DYM: variants seen among roughly 807,000 people sequenced by gnomAD.
DYM encodes dyggve-Melchior-Clausen syndrome protein.
DYM carries 78 observed loss-of-function variants against 93.1 expected under a neutral mutation model. That is an observed-to-expected ratio of 0.84 (90% CI 0.70 to 1.01). The LOEUF (loss-of-function observed/expected upper bound fraction) is 1.01. DYM is among the 50% of genes least tolerant of loss of function. The pLI is 0.00. For synonymous variants in DYM, 321 were observed against 319.7 expected, an observed-to-expected ratio of 1.00 and a Z score of -0.04; for missense variants, 789 against 845.0, an observed-to-expected ratio of 0.93 and a Z score of 0.82.
intron 11 of DYM, 149 bp from the exon 12 acceptor site, chr18:49,258,642 T>G: frequency 1.5e-6 from 1 of 669,668 alleles, no homozygotes; most frequent in Non-Finnish European, 2.7e-6. Flanking sequence ...AGTCCAGATC[T>G]TCAAGGAGAG....
Position 49,043,590 on chromosome 18 carries a change from C to T in DYM, c.*465G>A, listed in dbSNP as rs2071089694. 6.3e-6 allele frequency: 1 copy of T among 158,224 alleles called. No homozygotes were observed. The highest frequency in any genetic ancestry group is 2.4e-5 in the African/African-American group (1 of 41,492). 9.8% of individuals were successfully genotyped at this position (158,224 alleles called of 1,614,324 possible). Reference sequence around the variant, plus strand: ...CTCATCATCTTTTCTCATTGATGCTCCTTAATGTCAAAGGAATCTCTCTCT... The same window carrying T: ...CTCATCATCTTTTCTCATTGATGCTTCTTAATGTCAAAGGAATCTCTCTCT... On this transcript the variant is annotated 3_prime_UTR_variant, in exon 18 of 18. Coordinates refer to ENST00000675505, the MANE Select transcript of DYM (RefSeq NM_001353214.3).
intron 14 of DYM, chr18:49,208,870 A>T (rs956335370): frequency 6.6e-6 from 1 of 152,108 alleles, no homozygotes; most frequent in Non-Finnish European, 1.5e-5. Context: ...GTAATGTCAT[A>T]CTGCCCCTCT....
In DYM at chr18:49,441,131, TATAAATATATTATATA is replaced by T. The variant is rs2081461218; in HGVS notation, c.-53-10700_-53-10685del. 1.5e-3 allele frequency among the ~76,000 whole-genome samples: 8 copies of T among 5,364 alleles called. 1 individual carries two copies. Among genetic ancestry groups the T allele is most frequent in the African/African-American group, 2.8e-3 (8 of 2,866 alleles). 3.5% of individuals were successfully genotyped at this position (5,364 alleles called of 152,430 possible). ...TTAATATAAATATATTATATATTTA[TATAAATATATTATATA>T]ATATAATATATATTATATATTATAT... is the stretch of plus-strand genomic sequence containing the variant. On this transcript the variant is annotated intron_variant, in intron 1 of 17. Coordinates refer to ENST00000675505, the MANE Select transcript of DYM (RefSeq NM_001353214.3).
At chr18:49,082,107 C>T (rs1039613165) in intron 17 of DYM, among the ~76,000 whole-genome samples, 1 of 152,242 alleles carries the variant, frequency 6.6e-6, no homozygotes, top group African/African-American at 2.4e-5. Flanking sequence ...CTCTCTTCAG[C>T]ATTCATGCTT....
At chr18:49,159,775 A>G (rs1023842744) in intron 15 of DYM, among the ~76,000 whole-genome samples, 1 of 152,210 alleles carries the variant, frequency 6.6e-6, no homozygotes, top group African/African-American at 2.4e-5. Flanking sequence ...TTATTTGATG[A>G]CCACAGGGCA....
intron 16 of DYM, among the ~76,000 whole-genome samples, chr18:49,112,906 T>C (rs2081555665): frequency 6.6e-6 from 1 of 152,162 alleles, no homozygotes; most frequent in Admixed American, 6.5e-5. Context: ...TGCTTCAAGT[T>C]TTGGCTCAAA....
intron 8 of DYM, among the ~76,000 whole-genome samples, chr18:49,299,814 A>T (rs1458050834): frequency 6.6e-6 from 1 of 150,918 alleles, no homozygotes; most frequent in East Asian, 2.0e-4. Flanking sequence ...GAGGCTGAGG[A>T]GGGCAGGTCA....
chr18:49,156,645 T>A lies in DYM; in HGVS notation c.1728+7040A>T, dbSNP rs181192171. 3.2e-3 allele frequency among the ~76,000 whole-genome samples: 483 copies of A among 150,568 alleles called. 2 individuals carry two copies. Among genetic ancestry groups the A allele is most frequent in the Non-Finnish European group, 5.8e-3 (392 of 67,822 alleles). On this transcript the variant is annotated intron_variant, in intron 15 of 17. Transcript: ENST00000675505. ...TACTTGGGAGGCTGAGGCAGGAGAA[T>A]TGCTTGAACCCAGGAGGCAGAGGCT...
intron 13 of DYM, among the ~76,000 whole-genome samples, chr18:49,210,991 T>A (rs1228978014): frequency 6.6e-6 from 1 of 152,198 alleles, no homozygotes; most frequent in Non-Finnish European, 1.5e-5. Flanking sequence ...AGGAATATGT[T>A]CCTGGCAAGT....
chr18:49,392,263 A>C (rs888125086), intron 2 of DYM, among the ~76,000 whole-genome samples: 10 of 152,166 alleles, frequency 6.6e-5, no homozygotes, highest in Non-Finnish European at 1.3e-4. Context: ...AGAAGAAAAT[A>C]TGTTTCTTGA....
At chr18:49,350,454 T>A (rs2065011403) in intron 6 of DYM, among the ~76,000 whole-genome samples, 1 of 152,164 alleles carries the variant, frequency 6.6e-6, no homozygotes, top group Non-Finnish European at 1.5e-5. Flanking sequence ...ACGTCTGTAA[T>A]CCCAGCACTT....
intron 1 of DYM, among the ~76,000 whole-genome samples, chr18:49,432,336 AAAAAAAAAAAAAG>A (rs945906040): frequency 1.3e-5 from 2 of 151,102 alleles, no homozygotes; most frequent in Non-Finnish European, 3.0e-5. Context: ...TCTCAAAAAA[AAAAAAAAAAAAAG>A]AAAGAAAGAA....
chr18:49,108,943 T>A (rs1302909846), intron 16 of DYM, among the ~76,000 whole-genome samples: 2 of 152,228 alleles, frequency 1.3e-5, no homozygotes, highest in Non-Finnish European at 2.9e-5. Context: ...GACTTCTTTA[T>A]CATTACATGG....
At chr18:49,163,822 G>A (rs1372267301) in intron 14 of DYM, 35 bp from the exon 15 acceptor site, 1 of 1,360,684 alleles carries the variant, frequency 7.3e-7, no homozygotes, top group East Asian at 2.4e-5. Flanking sequence ...TTATATTAAA[G>A]GAACTGTTTT....
chr18:49,331,608 C>T (rs1332554548), intron 8 of DYM, among the ~76,000 whole-genome samples: 4 of 152,174 alleles, frequency 2.6e-5, no homozygotes, highest in East Asian at 1.9e-4. Flanking sequence ...TCATGCAATA[C>T]GCATATTTAT....
intron 10 of DYM, 33 bp from the exon 11 acceptor site, chr18:49,272,336 A>G (rs111694504): frequency 1.1e-5 from 14 of 1,284,450 alleles, no homozygotes; most frequent in African/African-American, 7.4e-5. Flanking sequence ...GACTATTTCA[A>G]TACTTCATTA....
At chr18:49,232,549 C>T (rs1020324525) in intron 13 of DYM, among the ~76,000 whole-genome samples, 8 of 150,066 alleles carry the variant, frequency 5.3e-5, no homozygotes, top group African/African-American at 2.0e-4. Flanking sequence ...GTGATCTGCT[C>T]GCCTCGGCCT....
intron 14 of DYM, among the ~76,000 whole-genome samples, chr18:49,165,132 T>C (rs1018960630): frequency 2.6e-5 from 4 of 152,146 alleles, no homozygotes; most frequent in African/African-American, 7.2e-5. Context: ...GCCATGTTAA[T>C]TTCCGACAAA....
In DYM at chr18:49,044,031, T is replaced by C. The variant is rs764868997; in HGVS notation, c.*24A>G. ...TTGAAGGGCTGCTTGGCTGGAGGGG[T>C]CCGGGTGGGAGAGCATCCTGCCCTC... On this transcript the variant is annotated 3_prime_UTR_variant, in exon 18 of 18. Transcript: ENST00000675505. 3 of 1,612,120 alleles carry C rather than the reference T, an allele frequency of 1.9e-6. No individual in the cohort carries two copies. Among genetic ancestry groups the C allele is most frequent in the Non-Finnish European group, 2.5e-6 (3 of 1,179,816 alleles).
Sources: gnomAD v4.1 joint callset for allele counts (sites outside exome capture counted in the v4.1 genomes callset) on GRCh38, gnomAD v4.1.1 for gene constraint, MANE v1.5 for transcripts, NCBI Gene and HGNC (gene_info 2026-07-23, HGNC 2026-07-21) for gene names.